MACROD2: variants seen among roughly 807,000 people sequenced by gnomAD.
MACROD2 encodes mono-ADP ribosylhydrolase 2, also known as ADP-ribose glycohydrolase MACROD2.
A neutral mutation model predicts 70.4 loss-of-function variants in MACROD2; 36 were observed. That is an observed-to-expected ratio of 0.51 (90% confidence interval 0.39 to 0.68). The LOEUF is 0.68. MACROD2 is among the 30% of genes least tolerant of loss of function. The pLI, the probability that MACROD2 is intolerant of heterozygous loss-of-function variation, is 0.00. For missense variants in MACROD2, 496 were observed against 538.4 expected (o/e 0.92, Z 0.78); for synonymous variants, 172 against 178.8 (o/e 0.96, Z 0.30).
intron 5 of MACROD2, among the ~76,000 whole-genome samples, chr20:14,963,858 GGC>G (rs1255306787): frequency 6.6e-6 from 1 of 152,018 alleles, no homozygotes; most frequent in Non-Finnish European, 1.5e-5. Flanking sequence ...CTTTTCTTTG[GGC>G]TTCTTACAAC....
At chr20:15,480,056 T>C (rs980087245) in intron 7 of MACROD2, among the ~76,000 whole-genome samples, 2 of 152,180 alleles carry the variant, frequency 1.3e-5, no homozygotes, top group African/African-American at 4.8e-5. Flanking sequence ...GAGAAGAATG[T>C]GATTAAGCCA....
chr20:15,214,982 C>T (rs998323525), intron 5 of MACROD2, among the ~76,000 whole-genome samples: 1 of 152,032 alleles, frequency 6.6e-6, no homozygotes, highest in African/African-American at 2.4e-5. Flanking sequence ...AAATAAATAT[C>T]CCTTTTGGTC....
At chr20:14,350,693 C>G (rs2083115471) in intron 3 of MACROD2, among the ~76,000 whole-genome samples, 1 of 152,030 alleles carries the variant, frequency 6.6e-6, no homozygotes, top group African/African-American at 2.4e-5. Context: ...GATATTTTCT[C>G]CTTTTCTGTG....
chr20:14,810,308 C>T (rs1173545419), intron 5 of MACROD2, among the ~76,000 whole-genome samples: 1 of 151,948 alleles, frequency 6.6e-6, no homozygotes. Flanking sequence ...TAAACGTAAT[C>T]CATCACATAA....
chr20:15,687,110 T>C (rs1408043980), intron 8 of MACROD2, among the ~76,000 whole-genome samples: 1 of 150,954 alleles, frequency 6.6e-6, no homozygotes, highest in Non-Finnish European at 1.5e-5. Flanking sequence ...CCCTTCAGAA[T>C]TGCTCCTCTT....
chr20:14,735,993 A>G (rs1199873863), intron 5 of MACROD2, among the ~76,000 whole-genome samples: 1 of 152,220 alleles, frequency 6.6e-6, no homozygotes, highest in African/African-American at 2.4e-5. Context: ...CAAAGAACTG[A>G]AAACAGGTGT....
chr20:15,155,037 T>TA (rs377166886), intron 5 of MACROD2, among the ~76,000 whole-genome samples: 46 of 151,832 alleles, frequency 3.0e-4, no homozygotes, highest in South Asian at 1.7e-3. Context: ...TTCTTCAATT[T>TA]AAAAAAAATG....
intron 4 of MACROD2, among the ~76,000 whole-genome samples, chr20:14,510,862 T>A (rs1600320719): frequency 6.6e-6 from 1 of 152,256 alleles, no homozygotes; most frequent in South Asian, 2.1e-4. Flanking sequence ...ACAGAGATAC[T>A]CTGAAGCTGA....
At chr20:14,499,310 T>C (rs1222864013) in intron 4 of MACROD2, among the ~76,000 whole-genome samples, 1 of 152,004 alleles carries the variant, frequency 6.6e-6, no homozygotes, top group African/African-American at 2.4e-5. Flanking sequence ...GTAGGAGGAT[T>C]ATTTGAGACC....
intron 5 of MACROD2, among the ~76,000 whole-genome samples, chr20:14,936,172 A>T (rs780324474): frequency 2.0e-5 from 3 of 152,312 alleles, no homozygotes; most frequent in East Asian, 1.9e-4. Flanking sequence ...CATGGAGACA[A>T]TTGCAGGGAG....
intron 5 of MACROD2, among the ~76,000 whole-genome samples, chr20:14,740,784 AAT>A (rs1462346392): frequency 5.3e-5 from 8 of 152,090 alleles, no homozygotes; most frequent in Admixed American, 4.6e-4. Flanking sequence ...GGCTTTGGTA[AAT>A]ATTAATGAGC....
chr20:14,908,200 T>C (rs572665574), intron 5 of MACROD2, among the ~76,000 whole-genome samples: 2 of 151,638 alleles, frequency 1.3e-5, no homozygotes, highest in East Asian at 3.9e-4. Context: ...AAAAATTAGC[T>C]GGGCGTGGTG....
intron 5 of MACROD2, among the ~76,000 whole-genome samples, chr20:15,156,038 G>A (rs998494957): frequency 2.0e-5 from 3 of 152,142 alleles, no homozygotes; most frequent in African/African-American, 7.2e-5. Context: ...GACATTTGCT[G>A]CTTTGATAAA....
At chr20:14,189,885 G>A (rs985666445) in intron 3 of MACROD2, among the ~76,000 whole-genome samples, 1 of 152,154 alleles carries the variant, frequency 6.6e-6, no homozygotes, top group South Asian at 2.1e-4. Context: ...CATTGGCATA[G>A]AAACTATTTC....
At chr20:15,633,989 G>C (rs980114811) in intron 8 of MACROD2, among the ~76,000 whole-genome samples, 1 of 152,102 alleles carries the variant, frequency 6.6e-6, no homozygotes, top group Non-Finnish European at 1.5e-5. Flanking sequence ...TCTTTAGTTT[G>C]TCTGTATACC....
intron 5 of MACROD2, among the ~76,000 whole-genome samples, chr20:14,760,963 A>G (rs1014452784): frequency 2.0e-5 from 3 of 151,944 alleles, no homozygotes; most frequent in African/African-American, 7.3e-5. Flanking sequence ...GTTCTCTTTG[A>G]TTTTTTTGCA....
At chr20:15,598,228 C>A (rs566202372) in intron 8 of MACROD2, among the ~76,000 whole-genome samples, 12 of 152,234 alleles carry the variant, frequency 7.9e-5, no homozygotes, top group African/African-American at 2.9e-4. Context: ...ATATAGTAAT[C>A]AACATTCTAA....
intron 4 of MACROD2, among the ~76,000 whole-genome samples, chr20:14,626,205 G>A (rs775762222): frequency 6.6e-6 from 1 of 152,072 alleles, no homozygotes; most frequent in Non-Finnish European, 1.5e-5. Context: ...GTAGTTGTGG[G>A]GGTGGGCACA....
chr20:14,193,750 C>T (rs537868650), intron 3 of MACROD2, among the ~76,000 whole-genome samples: 2 of 152,196 alleles, frequency 1.3e-5, no homozygotes, highest in South Asian at 4.1e-4. Context: ...CTCTTTTCAA[C>T]TCCTAATCGC....
Sources: allele counts gnomAD v4.1 joint callset (sites outside exome capture counted in the v4.1 genomes callset), GRCh38; gene constraint gnomAD v4.1.1; transcripts MANE v1.5; gene names NCBI Gene and HGNC (gene_info 2026-07-23, HGNC 2026-07-21).